ARHGAP10: variants seen among roughly 807,000 people sequenced by gnomAD.
The protein encoded by ARHGAP10 is Rho GTPase activating protein 10, also known as rho GTPase-activating protein 10.
A neutral mutation model predicts 108.6 loss-of-function variants in ARHGAP10; 87 were observed. The observed-to-expected ratio is 0.80, with a 90% CI of 0.67 to 0.96. ARHGAP10 has a LOEUF of 0.96. Ranked by LOEUF, ARHGAP10 falls within the 40% of genes least tolerant of loss-of-function variation. The pLI, the probability that ARHGAP10 is intolerant of heterozygous loss-of-function variation, is 0.00. For synonymous variants in ARHGAP10, 347 were observed against 341.1 expected, an observed-to-expected ratio of 1.02 and a Z score of -0.19; for missense variants, 939 against 954.5, an observed-to-expected ratio of 0.98 and a Z score of 0.21.
intron 10 of ARHGAP10, among the ~76,000 whole-genome samples, chr4:147,904,545 C>CTG (rs1370857077): frequency 2.0e-5 from 3 of 152,140 alleles, no homozygotes; most frequent in Admixed American, 2.0e-4. Flanking sequence ...ATCCATGTCC[C>CTG]TACAAGGACA....
rs374128534 is a variant in ARHGAP10 at position 147,839,142 on chromosome 4, A to ATCTATCTATCTATCTG, written c.313-8006_313-8005insATCTATCTATCTGTCT. Among the ~76,000 whole-genome samples the ATCTATCTATCTATCTG allele has an allele frequency of 2.9e-4, 34 of 117,752 alleles. 1 individual carries two copies. The highest frequency in any genetic ancestry group is 3.2e-4 in the Non-Finnish European group (17 of 52,686). 77.2% of individuals were successfully genotyped at this position (117,752 alleles called of 152,430 possible). ...TATCTATCTATCTATCTATCTATCTATCTGTCTGTCTGTCTATGTATATAT... is the reference window on the plus strand; with the variant it reads ...TATCTATCTATCTATCTATCTATCTATCTATCTATCTATCTGTCTGTCTGTCTGTCTATGTATATAT... On this transcript the variant is annotated intron_variant, in intron 3 of 22. Transcript: ENST00000336498.
chr4:147,750,157 G>A (rs1004224003), intron 1 of ARHGAP10, among the ~76,000 whole-genome samples: 3 of 152,138 alleles, frequency 2.0e-5, no homozygotes, highest in Admixed American at 6.5e-5. Context: ...ATTTGAAAGT[G>A]TAGTTTTGAG....
intron 19 of ARHGAP10, among the ~76,000 whole-genome samples, chr4:148,024,116 C>A (rs562154060): frequency 3.3e-5 from 5 of 152,198 alleles, no homozygotes; most frequent in South Asian, 2.1e-4. Flanking sequence ...GCTGTGCACA[C>A]GCCTCCCATT....
intron 1 of ARHGAP10, among the ~76,000 whole-genome samples, chr4:147,775,419 A>G (rs1052087341): frequency 3.3e-5 from 5 of 152,032 alleles, no homozygotes; most frequent in Non-Finnish European, 4.4e-5. Context: ...GGAGAAAGCA[A>G]TACCTGTTGT....
chr4:147,878,390 T>C (rs1375061113), intron 8 of ARHGAP10, among the ~76,000 whole-genome samples: 2 of 152,102 alleles, frequency 1.3e-5, no homozygotes, highest in Non-Finnish European at 2.9e-5. Flanking sequence ...CCACTGCGCC[T>C]GGCCCATACT....
At position 147,762,317 on chromosome 4, in the gene ARHGAP10, A is replaced by G. The variant is rs534030426; in HGVS notation, c.154+29862A>G. ...GCCACTGCGTCCTGCCCAGAAATTC[A>G]TTCCTTTTGAAATCTAGGTATGCCA... On this transcript the variant is annotated intron_variant, in intron 1 of 22. Coordinates refer to ENST00000336498, the MANE Select transcript of ARHGAP10 (RefSeq NM_024605.4). 9.2e-5 allele frequency among the ~76,000 whole-genome samples: 14 copies of G among 151,568 alleles called. No individual in the cohort carries two copies. In the South Asian group the frequency reaches 2.9e-3, roughly 32 times the overall value.
chr4:148,072,127 C>T lies in ARHGAP10; in HGVS notation c.*46C>T, dbSNP rs2149696780. 6.4e-7 allele frequency: 1 copy of T among 1,556,388 alleles called. No individual in the cohort carries two copies. Among genetic ancestry groups the T allele is most frequent in the East Asian group, 2.3e-5 (1 of 44,324 alleles). On this transcript the variant is annotated 3_prime_UTR_variant, in exon 23 of 23. Transcript: ENST00000336498. The stretch of plus-strand genomic sequence containing the variant: ...GCTGACCCTGGCACCCAGGGACCTG[C>T]CTGGGGGCAGAGAGCTGTCTTCCTC...
At chr4:147,832,447 G>C (rs1445196329) in intron 3 of ARHGAP10, among the ~76,000 whole-genome samples, 1 of 151,404 alleles carries the variant, frequency 6.6e-6, no homozygotes, top group Non-Finnish European at 1.5e-5. Context: ...AGGAGTTCAA[G>C]ACCATCCTGA....
intron 13 of ARHGAP10, among the ~76,000 whole-genome samples, chr4:147,931,901 G>A (rs1737705566): frequency 6.6e-6 from 1 of 152,090 alleles, no homozygotes; most frequent in Admixed American, 6.6e-5. Context: ...CCTACAGAAC[G>A]GGAGAAAATT....
chr4:148,063,415 C>T, intron 21 of ARHGAP10, 115 bp downstream of exon 21: 1 of 1,375,880 alleles, frequency 7.3e-7, no homozygotes, highest in Non-Finnish European at 9.9e-7. Context: ...ATACCCCCAG[C>T]ATCCTGGACT....
intron 1 of ARHGAP10, among the ~76,000 whole-genome samples, chr4:147,752,006 C>T (rs1283214757): frequency 1.3e-5 from 2 of 151,822 alleles, no homozygotes; most frequent in African/African-American, 4.8e-5. Context: ...CTGCCTCAGC[C>T]TCCTGAGTAG....
chr4:147,907,428 A>G (rs1736539329), intron 11 of ARHGAP10, among the ~76,000 whole-genome samples: 2 of 152,102 alleles, frequency 1.3e-5, no homozygotes, highest in South Asian at 4.1e-4. Context: ...ATTATGTATG[A>G]CTCTAAATAA....
chr4:147,857,462 T>C, intron 4 of ARHGAP10, 91 bp from the exon 5 acceptor site: 1 of 1,219,198 alleles, frequency 8.2e-7, no homozygotes, highest in Non-Finnish European at 1.1e-6. Context: ...TGTTTTATTT[T>C]CAGATATTTT....
At chr4:147,805,978 A>G (rs537362537) in intron 1 of ARHGAP10, among the ~76,000 whole-genome samples, 1 of 152,234 alleles carries the variant, frequency 6.6e-6, no homozygotes, top group South Asian at 2.1e-4. Flanking sequence ...AAAGAAGCCC[A>G]TGTTTGTACT....
intron 19 of ARHGAP10, among the ~76,000 whole-genome samples, chr4:148,026,090 T>C (rs76168260): frequency 0.013 from 1,930 of 152,248 alleles, 40 homozygotes; most frequent in African/African-American, 0.044. Context: ...AGGAACTGGA[T>C]TGGATGACTG....
At chr4:147,798,897 A>G (rs1579060334) in intron 1 of ARHGAP10, among the ~76,000 whole-genome samples, 1 of 150,336 alleles carries the variant, frequency 6.7e-6, no homozygotes, top group East Asian at 2.0e-4. Context: ...CCATTGTTCG[A>G]ATTGGTGTTC....
At chr4:147,819,319 A>G (rs1199716968) in intron 1 of ARHGAP10, among the ~76,000 whole-genome samples, 5 of 152,192 alleles carry the variant, frequency 3.3e-5, no homozygotes, top group Non-Finnish European at 5.9e-5. Flanking sequence ...AAAAATACAT[A>G]GGTAAGTAAA....
chr4:147,852,801 C>G (rs1733927150), intron 4 of ARHGAP10, among the ~76,000 whole-genome samples: 1 of 147,474 alleles, frequency 6.8e-6, no homozygotes, highest in African/African-American at 2.5e-5. Flanking sequence ...TCACTACAAT[C>G]TCCGCCACCC....
At chr4:147,891,068 C>T (rs931860196) in intron 10 of ARHGAP10, among the ~76,000 whole-genome samples, 4 of 152,292 alleles carry the variant, frequency 2.6e-5, no homozygotes, top group South Asian at 2.1e-4. Context: ...AACAGTTTGT[C>T]AGTTCTTCAG....
Sources: gnomAD v4.1 joint callset for allele counts (sites outside exome capture counted in the v4.1 genomes callset) on GRCh38, gnomAD v4.1.1 for gene constraint, MANE v1.5 for transcripts, NCBI Gene and HGNC (gene_info 2026-07-23, HGNC 2026-07-21) for gene names.